Variants in ARHGAP22 observed in about 807,000 individuals in gnomAD.
ARHGAP22 encodes the protein Rho GTPase activating protein 22.
A neutral mutation model predicts 59.1 loss-of-function variants in ARHGAP22; 48 were observed. The ratio of observed to expected loss-of-function variants is 0.81; its 90% confidence interval spans 0.64 to 1.03. The LOEUF (loss-of-function observed/expected upper bound fraction) is 1.03. Ranked by LOEUF, ARHGAP22 falls within the 50% of genes least tolerant of loss-of-function variation. The pLI is 0.00. For missense variants in ARHGAP22, 1,015 were observed against 958.7 expected, an observed-to-expected ratio of 1.06 and a Z score of -0.78; for synonymous variants, 445 against 416.4, an observed-to-expected ratio of 1.07 and a Z score of -0.84.
chr10:48,472,218 A>T (rs187292887), intron 4 of ARHGAP22, among the ~76,000 whole-genome samples: 180 of 148,502 alleles, frequency 1.2e-3, no homozygotes, highest in African/African-American at 4.3e-3. Context: ...AAAAAAAGAA[A>T]AAAAAGAAAA....
intron 1 of ARHGAP22, among the ~76,000 whole-genome samples, chr10:48,616,479 A>G (rs1476107457): frequency 6.6e-6 from 1 of 152,182 alleles, no homozygotes; most frequent in Non-Finnish European, 1.5e-5. Flanking sequence ...ATGACTGTAT[A>G]TATCACAACC....
intron 3 of ARHGAP22, among the ~76,000 whole-genome samples, chr10:48,546,984 G>C (rs1374585330): frequency 2.6e-5 from 4 of 152,120 alleles, no homozygotes; most frequent in Non-Finnish European, 5.9e-5. Flanking sequence ...TCTGTGACTT[G>C]TCAAAACCCA....
At chr10:48,551,175 C>G (rs979595431) in intron 3 of ARHGAP22, among the ~76,000 whole-genome samples, 4 of 152,154 alleles carry the variant, frequency 2.6e-5, no homozygotes, top group Non-Finnish European at 1.5e-5. Flanking sequence ...TGAACTGGGG[C>G]AGGGGCACCC....
chr10:48,496,231 T>C (rs1452759602), intron 3 of ARHGAP22, among the ~76,000 whole-genome samples: 2 of 152,168 alleles, frequency 1.3e-5, no homozygotes, highest in Non-Finnish European at 2.9e-5. Flanking sequence ...CCATCCCCCT[T>C]ATGGTCGGTT....
intron 1 of ARHGAP22, among the ~76,000 whole-genome samples, chr10:48,603,506 T>G (rs2060505081): frequency 6.6e-6 from 1 of 152,220 alleles, no homozygotes; most frequent in Non-Finnish European, 1.5e-5. Flanking sequence ...AAATTTGGTG[T>G]GTCTTTTTCT....
chr10:48,438,286 C>T, the ARHGAP22 span: 1 of 152,188 alleles, frequency 6.6e-6, no homozygotes, highest in African/African-American at 2.4e-5. Context: ...TTTTTGTGTG[C>T]ATTGTGTTTC....
At chr10:48,563,617 C>T (rs1208138869) in intron 2 of ARHGAP22, among the ~76,000 whole-genome samples, 1 of 152,084 alleles carries the variant, frequency 6.6e-6, no homozygotes, top group Non-Finnish European at 1.5e-5. Context: ...GCATATCTTT[C>T]GGGGAGCCAT....
At chr10:48,611,797 CCTTCCCTTCT>C (rs1324973983) in intron 1 of ARHGAP22, among the ~76,000 whole-genome samples, 91 of 141,612 alleles carry the variant, frequency 6.4e-4, no homozygotes, top group African/African-American at 2.0e-3. Context: ...CTTTCCCTTC[CCTTCCCTTCT>C]CTTCCCTTCC....
intron 3 of ARHGAP22, among the ~76,000 whole-genome samples, chr10:48,487,259 T>C (rs1429567909): frequency 6.6e-6 from 1 of 152,176 alleles, no homozygotes; most frequent in Non-Finnish European, 1.5e-5. Context: ...TGTTTTATCT[T>C]TGTACAGTGT....
intron 5 of ARHGAP22, among the ~76,000 whole-genome samples, chr10:48,458,318 T>C (rs2046776018): frequency 6.6e-6 from 1 of 151,942 alleles, no homozygotes; most frequent in Admixed American, 6.5e-5. Flanking sequence ...GAGTCAGGTC[T>C]GCATGGAACC....
intron 1 of ARHGAP22, among the ~76,000 whole-genome samples, chr10:48,604,270 G>T (rs2060549284): frequency 6.6e-6 from 1 of 152,202 alleles, no homozygotes. Context: ...TGGCAGGAAA[G>T]CCTGCCTGCC....
the ARHGAP22 span, among the ~76,000 whole-genome samples, chr10:48,432,079 C>T: frequency 2.8e-3 from 421 of 152,248 alleles, 2 homozygotes; most frequent in African/African-American, 8.2e-3. Context: ...ATTTTGTTAT[C>T]TGGCTGGCAA....
chr10:48,638,045 G>A (rs749713798), intron 1 of ARHGAP22, among the ~76,000 whole-genome samples: 4 of 152,030 alleles, frequency 2.6e-5, no homozygotes, highest in African/African-American at 9.7e-5. Flanking sequence ...CCCTGCTCTG[G>A]TCTCTTCTCC....
chr10:48,600,552 A>C (rs1312954518), intron 1 of ARHGAP22, among the ~76,000 whole-genome samples: 3 of 89,272 alleles, frequency 3.4e-5, no homozygotes, highest in Non-Finnish European at 5.7e-5. Flanking sequence ...AGGAGTATTC[A>C]AAAAAAAAAA....
At chr10:48,641,847 C>T (rs1328570480) in intron 1 of ARHGAP22, among the ~76,000 whole-genome samples, 1 of 152,180 alleles carries the variant, frequency 6.6e-6, no homozygotes, top group Non-Finnish European at 1.5e-5. Flanking sequence ...TAGAAAACCC[C>T]ATTCTCTCAG....
chr10:48,618,981 T>A lies in ARHGAP22; in HGVS notation c.52+33253A>T, dbSNP rs186745737. Among the ~76,000 whole-genome samples the A allele has an allele frequency of 2.0e-4, 30 of 152,166 alleles. No individual in the cohort carries two copies. In the East Asian group the frequency reaches 5.4e-3, roughly 27 times the overall value. ...AAGCCCCACCAAAAACTCTTAGAAC[T>A]AATAAACAAATTCAGTAAATTTGTA... is the stretch of plus-strand genomic sequence containing the variant. On this transcript the variant is annotated intron_variant, in intron 1 of 9. Transcript: ENST00000435790.
intron 3 of ARHGAP22, among the ~76,000 whole-genome samples, chr10:48,522,621 C>T (rs2053911639): frequency 6.6e-6 from 1 of 152,202 alleles, no homozygotes; most frequent in African/African-American, 2.4e-5. Context: ...CTGACCTGCC[C>T]TCGGGGAGCA....
At position 48,450,430 on chromosome 10, in the gene ARHGAP22, C is replaced by T; in HGVS notation, c.1699G>A (p.Asp567Asn). The change falls in exon 9 of 10, where the codon GAC (aspartate) becomes AAC (asparagine). Residue 567 changes from aspartate (D) to asparagine (N), a missense_variant. By Grantham distance (23) the Asp-to-Asn change is conservative. Coordinates refer to ENST00000249601, the MANE Select transcript of ARHGAP22 (RefSeq NM_021226.4). ...GCGCCCGCCTCGTCCATGCTGTGGTCCAGGTCCAGGGACTTGGGGTCCTCG... is the reference window on the plus strand; with the variant it reads ...GCGCCCGCCTCGTCCATGCTGTGGTTCAGGTCCAGGGACTTGGGGTCCTCG... ...SSEDPKSLDL[D>N]HSMDEAGAGA... The T allele has an allele frequency of 6.4e-7, 1 of 1,564,414 alleles. No homozygotes were observed. Among genetic ancestry groups the T allele is most frequent in the East Asian group, 2.4e-5 (1 of 41,920 alleles).
intron 4 of ARHGAP22, among the ~76,000 whole-genome samples, chr10:48,477,940 A>T (rs2134047148): frequency 6.6e-6 from 1 of 152,314 alleles, no homozygotes; most frequent in South Asian, 2.1e-4. Flanking sequence ...TTCTTAATCT[A>T]CCTTTTACAA....
Sources: gnomAD v4.1 joint callset for allele counts (sites outside exome capture counted in the v4.1 genomes callset) on GRCh38, gnomAD v4.1.1 for gene constraint, MANE v1.5 for transcripts, NCBI Gene and HGNC (gene_info 2026-07-23, HGNC 2026-07-21) for gene names.